PPP4R1: variants seen among roughly 807,000 people sequenced by gnomAD.
PPP4R1 encodes protein phosphatase 4 regulatory subunit 1.
In PPP4R1, 42 loss-of-function variants were observed where a neutral mutation model predicts 111.2. That is an observed-to-expected ratio of 0.38 (90% confidence interval 0.29 to 0.49). The LOEUF is 0.49. Ranked by LOEUF, PPP4R1 falls within the 20% of genes least tolerant of loss-of-function variation. The pLI is 0.97. For missense variants in PPP4R1, 1,012 were observed against 1,161.6 expected (o/e 0.87, Z 1.87); for synonymous variants, 409 against 405.5 (o/e 1.01, Z -0.10).
chr18:9,605,076 A>T (rs2067456178), intron 2 of PPP4R1, among the ~76,000 whole-genome samples: 1 of 152,200 alleles, frequency 6.6e-6, no homozygotes, highest in African/African-American at 2.4e-5. Context: ...GTAAAACATA[A>T]AAAAGCTCAT....
At chr18:9,588,356 A>C in intron 5 of PPP4R1, 121 bp from the exon 6 acceptor site, 1 of 1,060,484 alleles carries the variant, frequency 9.4e-7, no homozygotes, top group Non-Finnish European at 1.3e-6. Flanking sequence ...AAACTCCGCA[A>C]ATAAATATTT....
At chr18:9,599,547 C>G (rs1277627199) in intron 2 of PPP4R1, 1 of 152,190 alleles carries the variant, frequency 6.6e-6, no homozygotes, top group Non-Finnish European at 1.5e-5. Context: ...AAGGCAGAGA[C>G]TGTCAAATTG....
chr18:9,595,225 G>A, intron 2 of PPP4R1, 72 bp from the exon 3 acceptor site: 14 of 1,441,818 alleles, frequency 9.7e-6, no homozygotes, highest in South Asian at 4.1e-5. Context: ...GTCTGAAGCA[G>A]TACAAATCTG....
chr18:9,564,501 T>C (rs897279537), intron 11 of PPP4R1, among the ~76,000 whole-genome samples: 6 of 152,184 alleles, frequency 3.9e-5, no homozygotes, highest in Admixed American at 1.3e-4. Context: ...TTAAGAAAAT[T>C]GAACATATTC....
At chr18:9,597,187 A>G (rs760553944) in intron 2 of PPP4R1, among the ~76,000 whole-genome samples, 26 of 152,320 alleles carry the variant, frequency 1.7e-4, no homozygotes, top group Middle Eastern at 6.8e-3. Context: ...GGTTTCAGAC[A>G]CTGGACAAAA....
chr18:9,613,465 G>A (rs769591272), intron 2 of PPP4R1: 1 of 152,138 alleles, frequency 6.6e-6, no homozygotes, highest in Non-Finnish European at 1.5e-5. Context: ...TCGCCATCAG[G>A]AAATGTCAGA....
At chr18:9,562,562 C>A (rs1387414157) in intron 12 of PPP4R1, among the ~76,000 whole-genome samples, 1 of 152,162 alleles carries the variant, frequency 6.6e-6, no homozygotes, top group Non-Finnish European at 1.5e-5. Context: ...CTATTCAAAT[C>A]TCCAATAAAT....
chr18:9,588,559 A>G, intron 5 of PPP4R1, 152 bp downstream of exon 5: 1 of 877,630 alleles, frequency 1.1e-6, no homozygotes, highest in Non-Finnish European at 1.7e-6. Flanking sequence ...GGGATCTACT[A>G]GATTTGTCAG....
chr18:9,569,367 C>A (rs329002), intron 11 of PPP4R1, among the ~76,000 whole-genome samples: 2 of 152,094 alleles, frequency 1.3e-5, no homozygotes, highest in Admixed American at 6.5e-5. Flanking sequence ...TCCTCCCCCA[C>A]GCCCGAGACA....
chr18:9,561,896 G>A (rs1158995375), intron 13 of PPP4R1, 84 bp downstream of exon 13: 10 of 1,109,304 alleles, frequency 9.0e-6, no homozygotes, highest in African/African-American at 6.2e-5. Flanking sequence ...TCATCATAAA[G>A]AAGGGGCAAA....
At position 9,577,133 on chromosome 18, in the gene PPP4R1, G is replaced by C. The variant is rs1043088965; in HGVS notation, c.977C>G (p.Ser326Cys). 1 of 1,607,928 alleles carries C rather than the reference G, an allele frequency of 6.2e-7. No individual in the cohort carries two copies. The highest frequency in any genetic ancestry group is 8.5e-7 in the Non-Finnish European group (1 of 1,175,904). ...TTCTTTAAAATACTGGCCTGAGCTA[G>C]ATGGATTAGCAAAAGTAGATATGAA... The part of the protein sequence containing the change: ...GPFISTFANP[S>C]SSGQYFKEES... The change falls in exon 10 of 20, where the codon TCT becomes TGT. Residue 326 changes from serine to cysteine, a missense_variant. Physicochemically the swap from Ser to Cys is moderately radical, Grantham distance 112. Transcript: ENST00000400556.
chr18:9,614,138 C>T lies in PPP4R1; in HGVS notation c.52+88G>A. On this transcript the variant is annotated intron_variant, in intron 2 of 19. Transcript: ENST00000400556. The surrounding 1 kb of genome is among the most constrained non-coding windows in gnomAD (Gnocchi z 4.1). ...CCTCGCCCACCGTCCCCTCAGCCAG[C>T]CAGGGCCCGGCCCAGGCCTCGCCGC... 1 of 1,143,098 alleles carries T rather than the reference C, an allele frequency of 8.7e-7. No individual in the cohort carries two copies. The allele number at this position is 1,143,098 out of a possible 1,614,324, so 70.8% of individuals were successfully genotyped here. A position where few individuals can be genotyped will look rare whatever the true frequency, so the allele number is the denominator to read the frequency against.
At chr18:9,549,151 C>A (rs58982927) in intron 19 of PPP4R1, 46 bp downstream of exon 19, 1 of 1,590,084 alleles carries the variant, frequency 6.3e-7, no homozygotes, top group African/African-American at 1.3e-5. Context: ...AGTCCACAGA[C>A]CTCCTTCTCT....
At chr18:9,561,950 C>T (rs2066684921) in intron 13 of PPP4R1, 30 bp downstream of exon 13, 1 of 1,547,452 alleles carries the variant, frequency 6.5e-7, no homozygotes. Context: ...GGAACACACC[C>T]ACAAAAGAAC....
chr18:9,552,774 C>T (rs188205169), intron 16 of PPP4R1, among the ~76,000 whole-genome samples: 40 of 152,286 alleles, frequency 2.6e-4, no homozygotes, highest in Admixed American at 2.6e-3. Context: ...CAGATGAATG[C>T]CCTAAACGAA....
At chr18:9,573,501 A>G (rs2066892816) in intron 10 of PPP4R1, among the ~76,000 whole-genome samples, 1 of 152,358 alleles carries the variant, frequency 6.6e-6, no homozygotes, top group South Asian at 2.1e-4. Flanking sequence ...TAAAATTATA[A>G]TAAGATATTG....
At chr18:9,612,637 A>G (rs2067601450) in intron 2 of PPP4R1, 1 of 152,256 alleles carries the variant, frequency 6.6e-6, no homozygotes, top group Non-Finnish European at 1.5e-5. Context: ...GAAGTCGAAC[A>G]TAAATATAAA....
In PPP4R1 at chr18:9,583,157, G is replaced by C; in HGVS notation, c.878C>G (p.Ser293Ter). The C allele has an allele frequency of 6.2e-7, 1 of 1,612,016 alleles. No individual in the cohort carries two copies. Among genetic ancestry groups the C allele is most frequent in the Non-Finnish European group, 8.5e-7 (1 of 1,178,520 alleles). ...TCQEIRRTKL[S>*]ALFINLISDP... ...ACTGATCAAATTAATAAAAAGTGCT[G>C]ATAATTTGGTCCGTCGGATTTCTTG... Residue 293 changes from serine to a stop codon, truncating the protein, a stop_gained, in exon 9 of 20, where the codon TCA becomes TGA. Transcript: ENST00000400556. LOFTEE classifies it high-confidence loss of function.
At chr18:9,585,528 A>G (rs372978940) in intron 6 of PPP4R1, among the ~76,000 whole-genome samples, 1 of 152,232 alleles carries the variant, frequency 6.6e-6, no homozygotes, top group South Asian at 2.1e-4. Context: ...TATCAATTGT[A>G]TCAATTGCTA....
Sources: allele counts gnomAD v4.1 joint callset (sites outside exome capture counted in the v4.1 genomes callset), GRCh38; gene constraint gnomAD v4.1.1; non-coding constraint Gnocchi (gnomAD v3.1); transcripts MANE v1.5; gene names NCBI Gene and HGNC (gene_info 2026-07-23, HGNC 2026-07-21).